The following RGS7 variants were observed in gnomAD, a reference collection of about 807,000 sequenced individuals.
RGS7 encodes regulator of G-protein signaling 7.
Under a neutral mutation model 81.1 loss-of-function variants are expected in RGS7, and 27 were observed. That is an observed-to-expected ratio of 0.33 (90% CI 0.25 to 0.46). RGS7 has a LOEUF of 0.46. RGS7 is among the 20% of genes least tolerant of loss of function. The pLI, the probability that RGS7 is intolerant of heterozygous loss-of-function variation, is 1.00. For synonymous variants in RGS7, 208 were observed against 207.7 expected (o/e 1.00, Z -0.01); for missense variants, 396 against 607.4 (o/e 0.65, Z 3.66).
At chr1:240,988,279 A>T (rs966278296) in intron 3 of RGS7, among the ~76,000 whole-genome samples, 42 of 151,210 alleles carry the variant, frequency 2.8e-4, no homozygotes, top group Middle Eastern at 3.4e-3. Context: ...ATCATAATTT[A>T]AAAAGTTCTT....
At chr1:241,185,685 T>C (rs1205287869) in intron 2 of RGS7, among the ~76,000 whole-genome samples, 1 of 152,092 alleles carries the variant, frequency 6.6e-6, no homozygotes, top group African/African-American at 2.4e-5. Flanking sequence ...TACAGAACAA[T>C]AGCTGGAAGG....
chr1:241,184,254 G>A (rs1172003728), intron 2 of RGS7, among the ~76,000 whole-genome samples: 1 of 152,000 alleles, frequency 6.6e-6, no homozygotes, highest in Admixed American at 6.6e-5. Flanking sequence ...ATTATTCATT[G>A]AGCTCAAGAG....
chr1:240,797,508 C>T (rs535789937), intron 18 of RGS7, among the ~76,000 whole-genome samples: 5 of 152,222 alleles, frequency 3.3e-5, no homozygotes, highest in South Asian at 2.1e-4. Flanking sequence ...TGCACCACCA[C>T]GCCCGGCTAA....
chr1:240,888,991 T>C (rs1327877369), intron 6 of RGS7, among the ~76,000 whole-genome samples: 1 of 152,166 alleles, frequency 6.6e-6, no homozygotes, highest in Non-Finnish European at 1.5e-5. Context: ...AGTCCCACTC[T>C]ATTGCCCAGG....
intron 2 of RGS7, among the ~76,000 whole-genome samples, chr1:241,248,952 G>C (rs28709662): frequency 0.11 from 16,754 of 152,098 alleles, 1,022 homozygotes; most frequent in Admixed American, 0.19. Context: ...TTTCATATTT[G>C]TCTGAAAACA....
intron 3 of RGS7, among the ~76,000 whole-genome samples, chr1:241,084,083 G>A (rs1413148374): frequency 6.6e-6 from 1 of 152,180 alleles, no homozygotes; most frequent in African/African-American, 2.4e-5. Flanking sequence ...ATTAAATGCA[G>A]ACTGTCCTCA....
intron 4 of RGS7, among the ~76,000 whole-genome samples, chr1:240,974,449 G>A (rs1315813598): frequency 6.6e-6 from 1 of 152,172 alleles, no homozygotes; most frequent in African/African-American, 2.4e-5. Context: ...CCACTTCAGT[G>A]AATTCCCATC....
intron 2 of RGS7, among the ~76,000 whole-genome samples, chr1:241,308,943 C>G (rs550535255): frequency 7.9e-5 from 12 of 152,184 alleles, no homozygotes; most frequent in Admixed American, 7.2e-4. Flanking sequence ...TTCTCTAAAC[C>G]GAGGACAGCG....
At chr1:240,822,607 GTAC>G (rs1692008270) in intron 10 of RGS7, among the ~76,000 whole-genome samples, 1 of 152,248 alleles carries the variant, frequency 6.6e-6, no homozygotes, top group South Asian at 2.1e-4. Context: ...AGCTATACAA[GTAC>G]ATACATGCTG....
chr1:241,015,450 G>A (rs192572408), intron 3 of RGS7, among the ~76,000 whole-genome samples: 63 of 152,160 alleles, frequency 4.1e-4, no homozygotes, highest in African/African-American at 9.4e-4. Flanking sequence ...AGTAATTTGC[G>A]TAACTTAAAC....
chr1:241,091,846 C>T (rs1476404481), intron 3 of RGS7, among the ~76,000 whole-genome samples: 1 of 151,984 alleles, frequency 6.6e-6, no homozygotes, highest in Non-Finnish European at 1.5e-5. Flanking sequence ...ATGACTGTGC[C>T]ACTGTGCTCC....
intron 2 of RGS7, among the ~76,000 whole-genome samples, chr1:241,219,847 T>C (rs1248495806): frequency 6.6e-6 from 1 of 152,016 alleles, no homozygotes; most frequent in African/African-American, 2.4e-5. Context: ...ATGTCAAAAA[T>C]TTTTCATTCT....
At chr1:240,813,485 A>G (rs1343521919) in intron 13 of RGS7, 133 bp downstream of exon 13, 4 of 690,324 alleles carry the variant, frequency 5.8e-6, no homozygotes, top group Non-Finnish European at 5.4e-6. Flanking sequence ...CTCGAACAAG[A>G]ATGTTAGATA....
chr1:241,196,991 T>TAAAAAAAAAAAAAAAAAA (rs34557484), intron 2 of RGS7, among the ~76,000 whole-genome samples: 1 of 132,600 alleles, frequency 7.5e-6, no homozygotes, highest in Non-Finnish European at 1.6e-5. Context: ...CAAAAGAATG[T>TAAAAAAAAAAAAAAAAAA]AAAAAAAAAA....
At chr1:240,936,897 GT>G (rs1221391335) in intron 4 of RGS7, among the ~76,000 whole-genome samples, 191 bp from the exon 5 acceptor site, 1 of 152,046 alleles carries the variant, frequency 6.6e-6, no homozygotes, top group African/African-American at 2.4e-5. Context: ...TACCTGCTCT[GT>G]AAACAACTTC....
intron 16 of RGS7, 107 bp downstream of exon 16, chr1:240,802,797 G>A: frequency 1.2e-6 from 1 of 807,518 alleles, no homozygotes; most frequent in Non-Finnish European, 2.2e-6. Flanking sequence ...CTTGGAGTAT[G>A]TTCACTTACC....
intron 6 of RGS7, among the ~76,000 whole-genome samples, chr1:240,881,440 G>A (rs1209615376): frequency 1.3e-5 from 2 of 152,104 alleles, no homozygotes; most frequent in East Asian, 3.9e-4. Flanking sequence ...CATGGCACAT[G>A]TATACATATG....
chr1:241,042,296 G>A (rs973613990), intron 3 of RGS7, among the ~76,000 whole-genome samples: 1 of 152,118 alleles, frequency 6.6e-6, no homozygotes, highest in Admixed American at 6.5e-5. Flanking sequence ...TCCCCTAAAA[G>A]TTCACCACTC....
chr1:241,266,297 T>C (rs1042011238), intron 2 of RGS7, among the ~76,000 whole-genome samples: 20 of 152,340 alleles, frequency 1.3e-4, no homozygotes, highest in African/African-American at 4.6e-4. Context: ...TTCACCTATT[T>C]TTAAAACTAT....
Sources: allele counts gnomAD v4.1 joint callset (sites outside exome capture counted in the v4.1 genomes callset), GRCh38; gene constraint gnomAD v4.1.1; transcripts MANE v1.5; gene names NCBI Gene and HGNC (gene_info 2026-07-23, HGNC 2026-07-21).